The following GARRE1 variants were observed in gnomAD, a reference collection of about 807,000 sequenced individuals.
GARRE1 encodes the protein granule associated Rac and RHOG effector protein 1.
A neutral mutation model predicts 103.2 loss-of-function variants in GARRE1; 49 were observed. That is an observed-to-expected ratio of 0.47 (90% confidence interval 0.38 to 0.60). GARRE1 has a LOEUF of 0.60. GARRE1 is among the 20% of genes least tolerant of loss of function. The pLI is 0.00. For missense variants in GARRE1, 1,199 were observed against 1,370.5 expected (o/e 0.87, Z 1.98); for synonymous variants, 505 against 532.8 (o/e 0.95, Z 0.72).
intron 2 of GARRE1, among the ~76,000 whole-genome samples, chr19:34,318,076 A>G (rs372335176): frequency 4.6e-5 from 7 of 152,162 alleles, no homozygotes; most frequent in African/African-American, 1.7e-4. Context: ...TTGGTGTGAG[A>G]TTTGTGTGCG....
intron 1 of GARRE1, among the ~76,000 whole-genome samples, chr19:34,287,321 T>G (rs2073893439): frequency 6.6e-6 from 1 of 152,014 alleles, no homozygotes; most frequent in Non-Finnish European, 1.5e-5. Flanking sequence ...CTACTAGGTT[T>G]TTTTGTTGTT....
chr19:34,261,925 T>C (rs1425014979), intron 1 of GARRE1, among the ~76,000 whole-genome samples: 1 of 152,100 alleles, frequency 6.6e-6, no homozygotes, highest in Non-Finnish European at 1.5e-5. Context: ...CAACAACCCT[T>C]TGATGTAGGT....
chr19:34,306,571 G>T (rs1446843203), intron 2 of GARRE1, among the ~76,000 whole-genome samples: 1 of 152,126 alleles, frequency 6.6e-6, no homozygotes, highest in East Asian at 1.9e-4. Context: ...AGCCCGAGTG[G>T]TTCACCCTCA....
chr19:34,255,267 C>T (rs1291453684), intron 1 of GARRE1, among the ~76,000 whole-genome samples: 1 of 152,232 alleles, frequency 6.6e-6, no homozygotes, highest in Non-Finnish European at 1.5e-5. Context: ...AGGGGTGTGT[C>T]TTTCTGCGCC....
chr19:34,308,950 C>T (rs1019884893), intron 2 of GARRE1, among the ~76,000 whole-genome samples: 31 of 152,124 alleles, frequency 2.0e-4, no homozygotes, highest in African/African-American at 4.6e-4. Context: ...TCAGGCCTTC[C>T]GCACCCAAAT....
Position 34,255,076 on chromosome 19 carries a change from C to T in GARRE1, c.-796+462C>T, listed in dbSNP as rs906034819. 5.9e-5 allele frequency among the ~76,000 whole-genome samples: 9 copies of T among 152,134 alleles called. No homozygotes were observed. The South Asian group carries it at 8.3e-4, about 14-fold the overall frequency. On this transcript the variant is annotated intron_variant, in intron 1 of 13. Transcript: ENST00000299505. The stretch of plus-strand genomic sequence containing the variant: ...CTAGCCGGGGAGGCGGCCCTCACGC[C>T]ATCCCGGGGCTGCCGGGCGGGCTGC...
chr19:34,333,610 TAGAG>T, intron 7 of GARRE1, 90 bp from the exon 8 acceptor site: 1 of 787,824 alleles, frequency 1.3e-6, no homozygotes, highest in Non-Finnish European at 2.1e-6. Context: ...GAATAGTTCT[TAGAG>T]AGTCATTTTA....
intron 1 of GARRE1, among the ~76,000 whole-genome samples, chr19:34,283,637 G>T (rs772219005): frequency 6.6e-6 from 1 of 152,094 alleles, no homozygotes; most frequent in Non-Finnish European, 1.5e-5. Context: ...AGCTGATCCT[G>T]ACAGCCAAGA....
At chr19:34,281,686 TG>T (rs1212826225) in intron 1 of GARRE1, among the ~76,000 whole-genome samples, 2 of 152,204 alleles carry the variant, frequency 1.3e-5, no homozygotes, top group Admixed American at 6.5e-5. Flanking sequence ...CCCAAAGTGA[TG>T]GGATTACAGA....
chr19:34,294,733 C>A (rs1181984342), intron 1 of GARRE1, among the ~76,000 whole-genome samples: 2 of 152,072 alleles, frequency 1.3e-5, no homozygotes, highest in Non-Finnish European at 2.9e-5. Context: ...CAGACAGAGT[C>A]TCTCTCTGTC....
chr19:34,332,518 T>C lies in GARRE1; in HGVS notation c.1264-1186T>C, dbSNP rs139941407. On this transcript the variant is annotated intron_variant, in intron 7 of 13. Transcript: ENST00000299505. ...TTCTTCCTAGTTCCTTGCGTCTTGA[T>C]TGTAGGACACATTTCTGTGTGACTT... Among the ~76,000 whole-genome samples, 325 of 152,184 alleles carry C rather than the reference T, an allele frequency of 2.1e-3. 1 individual carries two copies. The highest frequency in any genetic ancestry group is 7.3e-3 in the Admixed American group (112 of 15,286).
chr19:34,300,964 T>C lies in GARRE1; in HGVS notation c.491T>C (p.Ile164Thr). Residue 164 changes from isoleucine to threonine, a missense_variant, in exon 2 of 14, where the codon ATT (isoleucine) becomes ACT (threonine). By Grantham distance (89) the Ile-to-Thr change is moderately conservative. Transcript: ENST00000299505. ...CAGAAGGAATTCAGTCTCCAGGACA[T>C]TGAGGTAGAGTATCTTTTGTGTCAT... ...TDQKEFSLQDIEVLGRCFLTV... is the reference protein window; with the variant it reads ...TDQKEFSLQDTEVLGRCFLTV... 6.3e-7 allele frequency: 1 copy of C among 1,596,792 alleles called. No homozygotes were observed.
chr19:34,327,341 C>T (rs1007432576), intron 3 of GARRE1, 80 bp from the exon 4 acceptor site: 59 of 1,318,754 alleles, frequency 4.5e-5, no homozygotes, highest in Non-Finnish European at 5.7e-5. Flanking sequence ...GGGGGTTTTT[C>T]TTGTTGTTGT....
At chr19:34,318,139 A>G (rs1425116890) in intron 2 of GARRE1, among the ~76,000 whole-genome samples, 2 of 152,106 alleles carry the variant, frequency 1.3e-5, no homozygotes, top group Non-Finnish European at 2.9e-5. Context: ...GTGAGGAGGG[A>G]TTCGGAGATA....
At chr19:34,256,174 T>C (rs1371974974) in intron 1 of GARRE1, among the ~76,000 whole-genome samples, 1 of 151,970 alleles carries the variant, frequency 6.6e-6, no homozygotes. Context: ...TAGTATTTGT[T>C]TTCCTTTGAC....
intron 2 of GARRE1, among the ~76,000 whole-genome samples, chr19:34,302,135 C>T (rs954169874): frequency 6.6e-6 from 1 of 151,262 alleles, no homozygotes; most frequent in African/African-American, 2.4e-5. Context: ...GGATTACAGG[C>T]ATGCGCCACC....
At position 34,341,580 on chromosome 19, in the gene GARRE1, G is replaced by T. The variant is rs760808378; in HGVS notation, c.1646G>T (p.Cys549Phe). 8.1e-6 allele frequency: 13 copies of T among 1,614,042 alleles called. No homozygotes were observed. Among genetic ancestry groups the T allele is most frequent in the Admixed American group, 1.7e-5 (1 of 59,976 alleles). The change falls in exon 10 of 14, where the codon TGT becomes TTT. Residue 549 changes from cysteine (C) to phenylalanine (F), a missense_variant. Physicochemically the swap from Cys to Phe is radical, Grantham distance 205. Transcript: ENST00000299505. ...TCCCGGTTCACCAAGAAAGCTTCAT[G>T]TACCAGCTCCAGCAGCAGCACAAAT... ...LTSRFTKKAS[C>F]TSSSSSTNYS... is the part of the protein sequence containing the mutation.
chr19:34,342,546 T>C (rs1439546362), intron 10 of GARRE1, 91 bp downstream of exon 10: 1 of 1,195,546 alleles, frequency 8.4e-7, no homozygotes, highest in East Asian at 2.3e-5. Flanking sequence ...GCCTTACTTG[T>C]GAAGGTGAAA....
At position 34,331,218 on chromosome 19, in the gene GARRE1, A is replaced by T. The variant is rs568638617; in HGVS notation, c.1263+871A>T. ...CCGGCCCTTAAAAAAAAAAGAAAAA[A>T]ACATTACATTAGTAACAAGTTGACA... On this transcript the variant is annotated intron_variant, in intron 7 of 13. Transcript: ENST00000299505. Among the ~76,000 whole-genome samples, 154 of 152,030 alleles carry T rather than the reference A, an allele frequency of 1.0e-3. 1 individual carries two copies. The Middle Eastern group carries it at 0.01, about 10-fold the overall frequency.
Sources: allele counts gnomAD v4.1 joint callset (sites outside exome capture counted in the v4.1 genomes callset), GRCh38; gene constraint gnomAD v4.1.1; transcripts MANE v1.5; gene names NCBI Gene and HGNC (gene_info 2026-07-23, HGNC 2026-07-21).